Variants in ME1 observed in about 807,000 individuals in gnomAD.
The protein encoded by ME1 is NADP-dependent malic enzyme.
In ME1, 74 loss-of-function variants were observed where a neutral mutation model predicts 66.4. The observed-to-expected ratio is 1.11, with a 90% CI of 0.92 to 1.35. The LOEUF is 1.35. ME1 is among the 40% of genes most tolerant of loss of function. The pLI is 0.00. For synonymous variants in ME1, 251 were observed against 235.6 expected, an observed-to-expected ratio of 1.07 and a Z score of -0.60; for missense variants, 750 against 694.1, an observed-to-expected ratio of 1.08 and a Z score of -0.90.
chr6:83,326,243 A>G (rs1278528616), intron 5 of ME1, among the ~76,000 whole-genome samples: 1 of 152,216 alleles, frequency 6.6e-6, no homozygotes, highest in Non-Finnish European at 1.5e-5. Context: ...AATTAACTCA[A>G]TATGGATTAA....
intron 3 of ME1, among the ~76,000 whole-genome samples, chr6:83,383,600 A>G (rs1769449132): frequency 6.6e-6 from 1 of 151,900 alleles, no homozygotes; most frequent in South Asian, 2.1e-4. Context: ...TGACAATAAA[A>G]ATGAACTTAT....
intron 1 of ME1, among the ~76,000 whole-genome samples, chr6:83,426,543 A>G (rs1393677815): frequency 6.6e-6 from 1 of 152,236 alleles, no homozygotes; most frequent in Admixed American, 6.5e-5. Flanking sequence ...TGAATAATTC[A>G]TTCAGGTCTA....
At chr6:83,292,590 T>G (rs1020690466) in intron 6 of ME1, among the ~76,000 whole-genome samples, 3 of 152,148 alleles carry the variant, frequency 2.0e-5, no homozygotes, top group Admixed American at 2.0e-4. Context: ...GGGACCCACT[T>G]GAGGAGGCAG....
At chr6:83,308,082 G>A (rs1767858897) in intron 6 of ME1, among the ~76,000 whole-genome samples, 1 of 151,952 alleles carries the variant, frequency 6.6e-6, no homozygotes, top group Non-Finnish European at 1.5e-5. Context: ...TATCACACCT[G>A]GCAGCAAATG....
chr6:83,378,292 G>C (rs1246265699), intron 3 of ME1, among the ~76,000 whole-genome samples: 1 of 152,060 alleles, frequency 6.6e-6, no homozygotes, highest in Non-Finnish European at 1.5e-5. Flanking sequence ...AGGAAAAACT[G>C]AATTAGTTCT....
At chr6:83,354,639 T>C (rs1166136891) in intron 3 of ME1, among the ~76,000 whole-genome samples, 1 of 152,200 alleles carries the variant, frequency 6.6e-6, no homozygotes, top group Non-Finnish European at 1.5e-5. Flanking sequence ...TTTTATCACC[T>C]TCACAATACT....
intron 7 of ME1, among the ~76,000 whole-genome samples, chr6:83,249,746 T>G (rs1372897767): frequency 2.6e-5 from 4 of 152,134 alleles, no homozygotes; most frequent in Admixed American, 1.3e-4. Context: ...AACCAATCCT[T>G]GAAAGTACTA....
intron 6 of ME1, among the ~76,000 whole-genome samples, chr6:83,271,825 G>T (rs1176680065): frequency 1.3e-5 from 2 of 152,122 alleles, no homozygotes; most frequent in East Asian, 3.9e-4. Flanking sequence ...TAATAAAAAT[G>T]TAAGACACTA....
rs546971490 is a variant in ME1 at position 83,402,695 on chromosome 6, T to C, written c.213-4179A>G. 3.3e-5 allele frequency among the ~76,000 whole-genome samples: 5 copies of C among 152,252 alleles called. No individual in the cohort carries two copies. The South Asian group carries it at 1.0e-3, about 32-fold the overall frequency. ...TACCATGCCCTGTGATTAAAGCTAA[T>C]GAAAACAACAATCCAATTCAAGCAG... On this transcript the variant is annotated intron_variant, in intron 2 of 13. Coordinates refer to ENST00000369705, the MANE Select transcript of ME1 (RefSeq NM_002395.6).
intron 6 of ME1, among the ~76,000 whole-genome samples, chr6:83,256,884 C>T (rs1217728859): frequency 6.6e-6 from 1 of 152,152 alleles, no homozygotes; most frequent in Admixed American, 6.5e-5. Flanking sequence ...AGTTCATGTC[C>T]TTTGCAAGGA....
chr6:83,304,032 T>C (rs975748473), intron 6 of ME1, among the ~76,000 whole-genome samples: 6 of 152,144 alleles, frequency 3.9e-5, no homozygotes, highest in Admixed American at 2.0e-4. Flanking sequence ...AAAATAAAAA[T>C]TATAGTTACT....
chr6:83,237,259 GA>G (rs1444002410), intron 9 of ME1, among the ~76,000 whole-genome samples: 1 of 83,792 alleles, frequency 1.2e-5, no homozygotes, highest in Non-Finnish European at 2.3e-5. Flanking sequence ...AAGAAAGAAA[GA>G]AAGAAAGAAA....
intron 7 of ME1, 133 bp downstream of exon 7, chr6:83,253,496 T>C (rs1287959369): frequency 2.0e-6 from 1 of 503,862 alleles, no homozygotes; most frequent in African/African-American, 1.9e-5. Flanking sequence ...AGAAATAGTA[T>C]GTGACATCAG....
chr6:83,316,365 A>G (rs980664835), intron 5 of ME1, among the ~76,000 whole-genome samples: 4 of 152,176 alleles, frequency 2.6e-5, no homozygotes, highest in Admixed American at 2.0e-4. Context: ...TAATTTAAAT[A>G]TAACATACCC....
intron 6 of ME1, among the ~76,000 whole-genome samples, chr6:83,266,653 C>T (rs532369879): frequency 2.0e-5 from 3 of 152,266 alleles, no homozygotes; most frequent in South Asian, 2.1e-4. Flanking sequence ...ACATCATGAA[C>T]TAAGCCATCA....
intron 3 of ME1, among the ~76,000 whole-genome samples, chr6:83,390,561 G>T (rs1039858911): frequency 2.0e-5 from 3 of 151,838 alleles, no homozygotes; most frequent in African/African-American, 4.8e-5. Context: ...AATTATAGGA[G>T]AAGCCATAAT....
intron 3 of ME1, among the ~76,000 whole-genome samples, chr6:83,363,515 C>T (rs1769044691): frequency 6.6e-6 from 1 of 152,200 alleles, no homozygotes. Flanking sequence ...CAGCCCAATC[C>T]AGGCAGGATT....
chr6:83,227,778 T>C (rs1218842925), intron 10 of ME1, among the ~76,000 whole-genome samples: 1 of 152,222 alleles, frequency 6.6e-6, no homozygotes, highest in East Asian at 1.9e-4. Flanking sequence ...ATCTAATGTG[T>C]AAACTTTCTT....
intron 1 of ME1, among the ~76,000 whole-genome samples, chr6:83,413,069 A>T (rs1770082811): frequency 6.6e-6 from 1 of 152,150 alleles, no homozygotes; most frequent in East Asian, 1.9e-4. Context: ...TTGTTTAGCA[A>T]ATTATTGATA....
Sources: gnomAD v4.1 joint callset for allele counts (sites outside exome capture counted in the v4.1 genomes callset) on GRCh38, gnomAD v4.1.1 for gene constraint, MANE v1.5 for transcripts, NCBI Gene and HGNC (gene_info 2026-07-23, HGNC 2026-07-21) for gene names.